CDH18: variants seen among roughly 807,000 people sequenced by gnomAD.
The protein encoded by CDH18 is cadherin 18.
A neutral mutation model predicts 67.9 loss-of-function variants in CDH18; 31 were observed. The ratio of observed to expected loss-of-function variants is 0.46; its 90% CI spans 0.34 to 0.62. CDH18 has a LOEUF of 0.62. Among genes scored for constraint, CDH18 ranks in the 20% least tolerant of loss-of-function variants. The pLI is 0.01. For synonymous variants in CDH18, 362 were observed against 347.2 expected, an observed-to-expected ratio of 1.04 and a Z score of -0.48; for missense variants, 890 against 975.5, an observed-to-expected ratio of 0.91 and a Z score of 1.17.
chr5:20,360,436 T>TTTAGGA (rs746714471), intron 1 of CDH18, among the ~76,000 whole-genome samples: 8 of 152,208 alleles, frequency 5.3e-5, no homozygotes, highest in Non-Finnish European at 1.2e-4. Flanking sequence ...GAGCATGGAC[T>TTTAGGA]CTTGGCTTTG....
intron 2 of CDH18, among the ~76,000 whole-genome samples, chr5:19,927,486 C>T (rs1167269722): frequency 1.3e-5 from 2 of 152,134 alleles, no homozygotes; most frequent in African/African-American, 2.4e-5. Flanking sequence ...AATGACCACA[C>T]TGTACTGACT....
intron 5 of CDH18, among the ~76,000 whole-genome samples, chr5:19,668,764 G>A (rs1050228145): frequency 1.4e-4 from 21 of 152,036 alleles, no homozygotes; most frequent in African/African-American, 4.8e-4. Context: ...GATGTTCCCT[G>A]ACTGGATGAC....
At chr5:19,489,898 A>G (rs926307187) in intron 11 of CDH18, among the ~76,000 whole-genome samples, 2 of 152,066 alleles carry the variant, frequency 1.3e-5, no homozygotes, top group Middle Eastern at 3.2e-3. Context: ...GAGCTTTTAA[A>G]ATAAAGTCCA....
chr5:20,305,178 G>T lies in CDH18; in HGVS notation c.-579-49673C>A, dbSNP rs568533171. Reference sequence around the variant, plus strand: ...TGAAGGGAGGGGCGCTGGTTATGTTGTTTCCATTCGACAGTCCTTCCAAAG... The same window carrying T: ...TGAAGGGAGGGGCGCTGGTTATGTTTTTTCCATTCGACAGTCCTTCCAAAG... On this transcript the variant is annotated intron_variant, in intron 1 of 14. Coordinates refer to the CDH18 transcript ENST00000507958. 33 of 1,420,212 alleles carry T rather than the reference G, an allele frequency of 2.3e-5. No individual in the cohort carries two copies. The East Asian group carries it at 6.4e-4, about 27-fold the overall frequency. The allele number at this position is 1,420,212 out of a possible 1,614,324, so 88.0% of individuals were successfully genotyped here.
At chr5:20,537,865 T>C (rs901351572) in intron 1 of CDH18, among the ~76,000 whole-genome samples, 7 of 152,206 alleles carry the variant, frequency 4.6e-5, no homozygotes, top group Non-Finnish European at 8.8e-5. Flanking sequence ...TGCATTTGCC[T>C]GTAGCAATTG....
chr5:20,514,143 T>C (rs532592969), intron 1 of CDH18, among the ~76,000 whole-genome samples: 36 of 152,316 alleles, frequency 2.4e-4, no homozygotes, highest in African/African-American at 8.7e-4. Flanking sequence ...TAGACCTGCT[T>C]GAGACTCTGA....
chr5:20,449,135 A>G (rs985370897), intron 1 of CDH18, among the ~76,000 whole-genome samples: 1 of 152,116 alleles, frequency 6.6e-6, no homozygotes, highest in Non-Finnish European at 1.5e-5. Context: ...ACTTACATCA[A>G]CTTAGTTGCT....
intron 2 of CDH18, among the ~76,000 whole-genome samples, chr5:19,936,686 T>C (rs1272492187): frequency 6.6e-6 from 1 of 151,024 alleles, no homozygotes; most frequent in Non-Finnish European, 1.5e-5. Context: ...TTGGGTAAAA[T>C]GTTGAGATTC....
At chr5:20,296,549 C>A (rs1183030665) in intron 1 of CDH18, among the ~76,000 whole-genome samples, 1 of 152,088 alleles carries the variant, frequency 6.6e-6, no homozygotes. Flanking sequence ...GCGTGAGCCA[C>A]CGCCCCCGGC....
At position 19,489,138 on chromosome 5, in the gene CDH18, C is replaced by A. The variant is rs376806907; in HGVS notation, c.1631-5586G>T. Among the ~76,000 whole-genome samples, 309 of 152,126 alleles carry A rather than the reference C, an allele frequency of 2.0e-3. 1 individual carries two copies. The highest frequency in any genetic ancestry group is 7.2e-3 in the African/African-American group (299 of 41,516). On this transcript the variant is annotated intron_variant, in intron 11 of 12. Transcript: ENST00000382275. ...CAAATAATGCTGATACAAATTATAA[C>A]CATCTTAACTGATTCCACCTAGTAT... is the stretch of plus-strand genomic sequence containing the variant.
At chr5:19,487,653 G>T (rs1561174446) in intron 11 of CDH18, among the ~76,000 whole-genome samples, 1 of 152,024 alleles carries the variant, frequency 6.6e-6, no homozygotes, top group South Asian at 2.1e-4. Context: ...AGTGTTGCAT[G>T]TATTTTAATA....
chr5:20,102,507 G>T (rs1369865213), intron 2 of CDH18, among the ~76,000 whole-genome samples: 1 of 152,216 alleles, frequency 6.6e-6, no homozygotes, highest in African/African-American at 2.4e-5. Flanking sequence ...TAAGCTGAAT[G>T]CCTGAGGAGC....
At chr5:19,811,983 G>A (rs1778790020) in intron 3 of CDH18, among the ~76,000 whole-genome samples, 2 of 152,284 alleles carry the variant, frequency 1.3e-5, no homozygotes, top group Admixed American at 1.3e-4. Context: ...ATTGATAAAT[G>A]TGTGTAAGTC....
intron 3 of CDH18, among the ~76,000 whole-genome samples, chr5:19,760,558 A>G (rs1208362644): frequency 1.3e-5 from 2 of 152,286 alleles, no homozygotes; most frequent in East Asian, 3.9e-4. Flanking sequence ...CTACTTAGTG[A>G]GCCCAGATCA....
intron 3 of CDH18, among the ~76,000 whole-genome samples, chr5:19,788,933 C>T (rs185112877): frequency 2.0e-5 from 3 of 152,182 alleles, no homozygotes; most frequent in East Asian, 3.9e-4. Context: ...TATTAGTTAG[C>T]GATAGGGGAT....
chr5:20,078,056 T>C lies in CDH18; in HGVS notation c.-517-86042A>G, dbSNP rs1035055271. 2.0e-5 allele frequency among the ~76,000 whole-genome samples: 3 copies of C among 152,210 alleles called. No homozygotes were observed. In the South Asian group the frequency reaches 6.2e-4, roughly 31 times the overall value. On this transcript the variant is annotated intron_variant, in intron 2 of 14. Transcript: ENST00000507958. The stretch of plus-strand genomic sequence containing the variant: ...GAGAAAATATGGTATTTTATATGAT[T>C]GTGTATAGTTTTCTATTTGAGGCAT...
chr5:20,367,058 C>T (rs1381463135), intron 1 of CDH18, among the ~76,000 whole-genome samples: 1 of 152,108 alleles, frequency 6.6e-6, no homozygotes, highest in Non-Finnish European at 1.5e-5. Context: ...CCACTTCTAA[C>T]CAGCTTCTAA....
At chr5:20,418,649 AT>A (rs1747552048) in intron 1 of CDH18, among the ~76,000 whole-genome samples, 1 of 59,256 alleles carries the variant, frequency 1.7e-5, no homozygotes, top group South Asian at 5.2e-4. Context: ...ACAAATGAAG[AT>A]TTCAATAATT....
At chr5:20,477,544 A>G (rs1277001000) in intron 1 of CDH18, among the ~76,000 whole-genome samples, 1 of 152,220 alleles carries the variant, frequency 6.6e-6, no homozygotes, top group Admixed American at 6.5e-5. Flanking sequence ...AAAAAGCAGC[A>G]TGGGGCAGAA....
Sources: allele counts gnomAD v4.1 joint callset (sites outside exome capture counted in the v4.1 genomes callset), GRCh38; gene constraint gnomAD v4.1.1; transcripts MANE v1.5; gene names NCBI Gene and HGNC (gene_info 2026-07-23, HGNC 2026-07-21).